Variants in CSMD1 observed in about 807,000 individuals in gnomAD.
CSMD1 encodes the protein CUB and sushi domain-containing protein 1.
A neutral mutation model predicts 417.5 loss-of-function variants in CSMD1; 213 were observed. The observed-to-expected ratio is 0.51, with a 90% CI of 0.46 to 0.57. CSMD1 has a LOEUF of 0.57. CSMD1 is among the 20% of genes least tolerant of loss of function. The pLI is 0.00. For synonymous variants in CSMD1, 2,862 were observed against 1,736.8 expected, an observed-to-expected ratio of 1.65 and a Z score of -16.11; for missense variants, 6,923 against 4,529.7, an observed-to-expected ratio of 1.53 and a Z score of -15.17.
chr8:3,048,251 G>T (rs915021692), intron 50 of CSMD1, among the ~76,000 whole-genome samples: 2 of 152,040 alleles, frequency 1.3e-5, no homozygotes, highest in African/African-American at 4.8e-5. Flanking sequence ...ACTGGGAGAT[G>T]TTATTTTAAT....
rs373494629 is a variant in CSMD1, at chr8:2,963,429, G to T, written c.9281-34C>A. The T allele has an allele frequency of 8.1e-6, 13 of 1,601,676 alleles. No homozygotes were observed. The African/African-American group carries it at 1.7e-4, about 21-fold the overall frequency. On this transcript the variant is annotated intron_variant, in intron 59 of 69. Transcript: ENST00000635120. Reference sequence around the variant, plus strand: ...AAAGAACAAACAAGATCAACATTCCGGAGCTCCCGCTGCAGCGGTGATGTT... The same window carrying T: ...AAAGAACAAACAAGATCAACATTCCTGAGCTCCCGCTGCAGCGGTGATGTT...
intron 3 of CSMD1, among the ~76,000 whole-genome samples, chr8:4,344,259 G>A (rs989632287): frequency 1.3e-5 from 2 of 152,040 alleles, no homozygotes; most frequent in South Asian, 2.1e-4. Context: ...ATCTTTACAC[G>A]TGTTCATTCA....
intron 3 of CSMD1, among the ~76,000 whole-genome samples, chr8:4,114,229 G>C (rs775120851): frequency 2.6e-5 from 4 of 152,174 alleles, no homozygotes; most frequent in Non-Finnish European, 5.9e-5. Flanking sequence ...ACCAATGTTT[G>C]TTTAACATTT....
intron 3 of CSMD1, among the ~76,000 whole-genome samples, chr8:4,034,521 A>G (rs1797516306): frequency 6.6e-6 from 1 of 152,204 alleles, no homozygotes; most frequent in African/African-American, 2.4e-5. Context: ...AGTACATTAA[A>G]AGTGACATTT....
intron 5 of CSMD1, among the ~76,000 whole-genome samples, chr8:3,827,559 A>C (rs942156519): frequency 5.3e-5 from 8 of 152,342 alleles, no homozygotes; most frequent in Non-Finnish European, 4.4e-5. Context: ...GTTTTCTGCT[A>C]GATCAAAGCC....
At chr8:4,070,541 T>G (rs561569708) in intron 3 of CSMD1, among the ~76,000 whole-genome samples, 2,080 of 152,188 alleles carry the variant, frequency 0.014, 51 homozygotes, top group African/African-American at 0.047. Context: ...GTATTTTTAG[T>G]AGAGACGGGG....
intron 7 of CSMD1, among the ~76,000 whole-genome samples, chr8:3,678,242 C>G (rs1018733206): frequency 2.6e-5 from 4 of 152,102 alleles, no homozygotes; most frequent in Non-Finnish European, 4.4e-5. Context: ...CTTCTCCGAG[C>G]TAAAGGAGGA....
rs535165398 is a variant in CSMD1 at position 4,738,511 on chromosome 8, A to G, written c.86-100953T>C. Among the ~76,000 whole-genome samples, 16 of 152,264 alleles carry G rather than the reference A, an allele frequency of 1.1e-4. No homozygotes were observed. The South Asian group carries it at 3.1e-3, about 30-fold the overall frequency. The stretch of plus-strand genomic sequence containing the variant: ...CAGGATGGGGAAAATCACCTCCATG[A>G]TTCAATGACATCCACCTGGCCACTC... On this transcript the variant is annotated intron_variant, in intron 1 of 69. Coordinates refer to ENST00000635120, the MANE Select transcript of CSMD1 (RefSeq NM_033225.6).
chr8:3,863,003 G>A (rs548282556), intron 5 of CSMD1, among the ~76,000 whole-genome samples: 1 of 152,132 alleles, frequency 6.6e-6, no homozygotes, highest in African/African-American at 2.4e-5. Context: ...CAACAGATTT[G>A]GTATCTGGTA....
intron 26 of CSMD1, among the ~76,000 whole-genome samples, chr8:3,267,590 T>G (rs17391662): frequency 0.052 from 7,838 of 152,194 alleles, 243 homozygotes; most frequent in Middle Eastern, 0.078. Flanking sequence ...GGTAAGAGAC[T>G]TTGAGGATGG....
chr8:3,143,530 A>AT (rs532971263), intron 40 of CSMD1, among the ~76,000 whole-genome samples: 7 of 152,120 alleles, frequency 4.6e-5, no homozygotes, highest in East Asian at 1.9e-4. Flanking sequence ...GCATTGTGGC[A>AT]TTTTTTTTGA....
chr8:4,535,457 T>G (rs1349615426), intron 2 of CSMD1, among the ~76,000 whole-genome samples: 1 of 152,190 alleles, frequency 6.6e-6, no homozygotes, highest in Admixed American at 6.5e-5. Flanking sequence ...GCAATCATTA[T>G]AAACTTAAAG....
intron 1 of CSMD1, among the ~76,000 whole-genome samples, chr8:4,895,614 A>G (rs1223541712): frequency 6.6e-6 from 1 of 151,832 alleles, no homozygotes; most frequent in Non-Finnish European, 1.5e-5. Flanking sequence ...TTTTTATGAT[A>G]TGACTTTCCT....
intron 49 of CSMD1, among the ~76,000 whole-genome samples, chr8:3,057,748 T>C (rs1212500165): frequency 6.6e-6 from 1 of 152,202 alleles, no homozygotes; most frequent in Non-Finnish European, 1.5e-5. Flanking sequence ...TCAGGTAGAC[T>C]TTCTCATCCC....
At chr8:3,448,960 A>C (rs1172831907) in intron 12 of CSMD1, among the ~76,000 whole-genome samples, 1 of 152,250 alleles carries the variant, frequency 6.6e-6, no homozygotes, top group Non-Finnish European at 1.5e-5. Context: ...AGAAGGTGAC[A>C]GCCAATCGCA....
intron 3 of CSMD1, among the ~76,000 whole-genome samples, chr8:4,368,644 G>A (rs768496632): frequency 6.6e-6 from 1 of 151,910 alleles, no homozygotes; most frequent in African/African-American, 2.4e-5. Context: ...ATTCAATTTT[G>A]GAACTTATTG....
At chr8:3,089,858 T>C (rs11779522) in intron 48 of CSMD1, among the ~76,000 whole-genome samples, 18,580 of 152,200 alleles carry the variant, frequency 0.12, 1,480 homozygotes, top group Non-Finnish European at 0.18. Flanking sequence ...ATAAAATACC[T>C]TTTGAAAGAC....
chr8:4,128,994 T>C (rs1270326040), intron 3 of CSMD1, among the ~76,000 whole-genome samples: 1 of 149,202 alleles, frequency 6.7e-6, no homozygotes, highest in Admixed American at 6.8e-5. Context: ...GAGAGTTGCT[T>C]GAACCCGGGA....
chr8:4,915,365 G>C (rs754874239), intron 1 of CSMD1, among the ~76,000 whole-genome samples: 1 of 152,176 alleles, frequency 6.6e-6, no homozygotes, highest in African/African-American at 2.4e-5. Context: ...ATTACATATA[G>C]TCTGACAATC....
Sources: gnomAD v4.1 joint callset for allele counts (sites outside exome capture counted in the v4.1 genomes callset) on GRCh38, gnomAD v4.1.1 for gene constraint, MANE v1.5 for transcripts, NCBI Gene and HGNC (gene_info 2026-07-23, HGNC 2026-07-21) for gene names.